MYNN: variants seen among roughly 807,000 people sequenced by gnomAD.
MYNN encodes the protein myoneurin.
In MYNN, 22 loss-of-function variants were observed where a neutral mutation model predicts 57.2. That is an observed-to-expected ratio of 0.38 (90% CI 0.27 to 0.55). The LOEUF (loss-of-function observed/expected upper bound fraction) is 0.55, where lower values mean the gene tolerates loss of function less well. Among genes scored for constraint, MYNN ranks in the 20% least tolerant of loss-of-function variants. The pLI, the probability that MYNN is intolerant of heterozygous loss-of-function variation, is 0.71. For missense variants in MYNN, 566 were observed against 723.1 expected (o/e 0.78, Z 2.49); for synonymous variants, 241 against 257.1 (o/e 0.94, Z 0.60).
chr3:169,787,177 G>A lies in MYNN; in HGVS notation c.*499G>A, dbSNP rs1160997265. The stretch of plus-strand genomic sequence containing the variant: ...TATTTTCGCTCGTAAAAATTTAGGC[G>A]CTGAATAAGAATTGTGCTATTTCTC... On this transcript the variant is annotated 3_prime_UTR_variant, in exon 8 of 8. Transcript: ENST00000349841. The A allele has an allele frequency of 6.6e-6, 1 of 152,652 alleles. No individual in the cohort carries two copies. The highest frequency in any genetic ancestry group is 1.9e-4 in the East Asian group (1 of 5,206). 9.5% of individuals were successfully genotyped at this position (152,652 alleles called of 1,614,324 possible).
chr3:169,784,726 G>C lies in MYNN; in HGVS notation c.1570+18G>C. The C allele has an allele frequency of 6.8e-7, 1 of 1,471,820 alleles. No homozygotes were observed. The allele number at this position is 1,471,820 out of a possible 1,614,324, so 91.2% of individuals were successfully genotyped here. The stretch of plus-strand genomic sequence containing the variant: ...CCATTCTGGTAAATGCTTGTGTTTT[G>C]TTTGCTTGTTTGTTTGTTTTAATTT... On this transcript the variant is annotated intron_variant, in intron 7 of 7. Coordinates refer to ENST00000349841, the MANE Select transcript of MYNN (RefSeq NM_018657.5).
chr3:169,780,375 A>G, intron 3 of MYNN: 1 of 405,002 alleles, frequency 2.5e-6, no homozygotes, highest in Non-Finnish European at 4.3e-6. Flanking sequence ...CGTACTTTTT[A>G]AAATGCTGTA....
chr3:169,781,741 G>A (rs773102565), intron 4 of MYNN, among the ~76,000 whole-genome samples: 17 of 152,132 alleles, frequency 1.1e-4, no homozygotes, highest in Non-Finnish European at 2.1e-4. Context: ...GAGAACTGAC[G>A]TGGATTTAGT....
intron 5 of MYNN, 72 bp from the exon 6 acceptor site, chr3:169,783,405 T>C (rs1778574961): frequency 3.6e-6 from 3 of 843,926 alleles, no homozygotes; most frequent in Non-Finnish European, 5.7e-6. Context: ...AAGCTTACTT[T>C]AGATTATTTG....
Position 169,782,438 on chromosome 3 carries a change from T to C in MYNN, c.1221-27T>C. 6.3e-7 allele frequency: 1 copy of C among 1,581,720 alleles called. No homozygotes were observed. The highest frequency in any genetic ancestry group is 1.2e-5 in the South Asian group (1 of 86,910). ...ATATAGACTGACCTCCAAATTGTTT[T>C]ACTTATTTAACTTTATTTACTAACA... On this transcript the variant is annotated intron_variant, in intron 4 of 7. Coordinates refer to ENST00000349841, the MANE Select transcript of MYNN (RefSeq NM_018657.5). The surrounding 1 kb of genome is among the most constrained non-coding windows in gnomAD (Gnocchi z 4.8).
intron 2 of MYNN, 67 bp downstream of exon 2, chr3:169,774,628 G>C: frequency 7.0e-7 from 1 of 1,429,552 alleles, no homozygotes; most frequent in Non-Finnish European, 9.5e-7. Context: ...AAGTAGATTT[G>C]TATTTTTTCC....
rs1310626909 is a variant in MYNN, at chr3:169,788,776, T to G, written c.*2098T>G. Reference sequence around the variant, plus strand: ...TTTATTTAAATTGACATGGCTTGAGTTGTCATCATTTTCTGCTCTTCTAGA... The same window carrying G: ...TTTATTTAAATTGACATGGCTTGAGGTGTCATCATTTTCTGCTCTTCTAGA... On this transcript the variant is annotated 3_prime_UTR_variant, in exon 8 of 8. Transcript: ENST00000349841. 6.6e-6 allele frequency: 1 copy of G among 152,182 alleles called. No individual in the cohort carries two copies. Among genetic ancestry groups the G allele is most frequent in the Non-Finnish European group, 1.5e-5 (1 of 68,012 alleles). The allele number at this position is 152,182 out of a possible 1,614,324, so 9.4% of individuals were successfully genotyped here. A position where few individuals can be genotyped will look rare whatever the true frequency, so the allele number is the denominator to read the frequency against.
Position 169,782,745 on chromosome 3 carries a change from T to A in MYNN, c.1399+102T>A. On this transcript the variant is annotated intron_variant, in intron 5 of 7. Coordinates refer to ENST00000349841, the MANE Select transcript of MYNN (RefSeq NM_018657.5). This position sits in a 1 kb window ranked among gnomAD's most constrained non-coding sequence, Gnocchi z 4.8. The stretch of plus-strand genomic sequence containing the variant: ...GTAGATCGGAAACTTTGTAGTTAGA[T>A]ATCTGTTTATATTTCTATAAGCTAT... 1 of 813,592 alleles carries A rather than the reference T, an allele frequency of 1.2e-6. No homozygotes were observed. Among genetic ancestry groups the A allele is most frequent in the Non-Finnish European group, 1.9e-6 (1 of 520,130 alleles). 50.4% of individuals were successfully genotyped at this position (813,592 alleles called of 1,614,324 possible).
At chr3:169,783,444 A>T in intron 5 of MYNN, 33 bp from the exon 6 acceptor site, 1 of 1,231,280 alleles carries the variant, frequency 8.1e-7, no homozygotes, top group Non-Finnish European at 1.2e-6. Context: ...TTGGTATAGT[A>T]CACCACTTCG....
Position 169,782,562 on chromosome 3 carries a change from G to GA in MYNN, c.1322dup (p.Pro442AlafsTer5). The stretch of plus-strand genomic sequence containing the variant: ...CTATCATGTCCGTAGGCATACTGGA[G>GA]AAAAGCCTTATGTATGTGATACCTG... On this transcript the variant is annotated frameshift_variant, in exon 5 of 8. Coordinates refer to ENST00000349841, the MANE Select transcript of MYNN (RefSeq NM_018657.5). LOFTEE classifies it high-confidence loss of function. This position sits in a 1 kb window ranked among gnomAD's most constrained non-coding sequence, Gnocchi z 4.8. 1 of 1,614,016 alleles carries GA rather than the reference G, an allele frequency of 6.2e-7. No individual in the cohort carries two copies. Among genetic ancestry groups the GA allele is most frequent in the Non-Finnish European group, 8.5e-7 (1 of 1,179,922 alleles).
At position 169,779,003 on chromosome 3, in the gene MYNN, A is replaced by G. The variant is rs2108202105; in HGVS notation, c.502A>G (p.Lys168Glu). The G allele has an allele frequency of 6.2e-7, 1 of 1,613,900 alleles. No homozygotes were observed. Among genetic ancestry groups the G allele is most frequent in the South Asian group, 1.1e-5 (1 of 91,090 alleles). The change falls in exon 3 of 8, where the codon AAA becomes GAA. Residue 168 changes from lysine to glutamate, a missense_variant. Coordinates refer to ENST00000349841, the MANE Select transcript of MYNN (RefSeq NM_018657.5). ...TACAGATTTGATTCAGGCAAATCCT[A>G]AACAAGGCGCGTTAGCGAAAAAGTC... ...VSTDLIQANP[K>E]QGALAKKSSQ...
chr3:169,780,725 C>T lies in MYNN; in HGVS notation c.1196C>T (p.Ser399Phe). ...CDVCNLQFAT[S>F]SNLKIHARKH... ...GTATGCAACTTACAGTTTGCAACTTCTAGCAATCTCAAGATTCATGCAAGG... is the reference window on the plus strand; with the variant it reads ...GTATGCAACTTACAGTTTGCAACTTTTAGCAATCTCAAGATTCATGCAAGG... Residue 399 changes from serine to phenylalanine, a missense_variant, in exon 4 of 8, where the codon TCT (serine) becomes TTT (phenylalanine). By Grantham distance (155) the Ser-to-Phe change is radical. This residue lies in a region of MYNN where 123 missense variants were observed against 222.6 expected (regional missense o/e 0.55). Coordinates refer to ENST00000349841, the MANE Select transcript of MYNN (RefSeq NM_018657.5). 25 of 1,598,326 alleles carry T rather than the reference C, an allele frequency of 1.6e-5. No individual in the cohort carries two copies. The highest frequency in any genetic ancestry group is 2.1e-5 in the Non-Finnish European group (25 of 1,175,926).
chr3:169,776,545 C>T (rs1577393672), intron 2 of MYNN, among the ~76,000 whole-genome samples: 1 of 152,224 alleles, frequency 6.6e-6, no homozygotes, highest in African/African-American at 2.4e-5. Flanking sequence ...AATTAAATGA[C>T]CTTCAGTGAC....
rs1450759881 is a variant in MYNN at position 169,786,458 on chromosome 3, T to C, written c.1613T>C (p.Leu538Ser). The change falls in exon 8 of 8, where the codon TTG becomes TCG. Residue 538 changes from leucine to serine, a missense_variant. By Grantham distance (145) the Leu-to-Ser change is moderately radical. Coordinates refer to ENST00000349841, the MANE Select transcript of MYNN (RefSeq NM_018657.5). Reference protein sequence around the residue: ...TLDSSAEDHTLSEQDSIQKSP... With the variant: ...TLDSSAEDHTSSEQDSIQKSP... ...GACTCCAGTGCAGAGGATCATACTT[T>C]GAGTGAACAGGATTCCATACAAAAA... 2 of 1,613,476 alleles carry C rather than the reference T, an allele frequency of 1.2e-6. No homozygotes were observed. Among genetic ancestry groups the C allele is most frequent in the Non-Finnish European group, 1.7e-6 (2 of 1,179,584 alleles).
intron 5 of MYNN, 66 bp from the exon 6 acceptor site, chr3:169,783,411 A>G (rs1778575111): frequency 2.2e-6 from 2 of 890,796 alleles, no homozygotes; most frequent in Non-Finnish European, 3.6e-6. Flanking sequence ...ACTTTAGATT[A>G]TTTGTAATTG....
Position 169,787,344 on chromosome 3 carries a change from CT to C in MYNN, c.*667del, listed in dbSNP as rs2108212102. ...GGTCAGCACTTTTGGTTTGAGTTAT[CT>C]GAGATTGTATTTTCAAAATGAATTT... On this transcript the variant is annotated 3_prime_UTR_variant, in exon 8 of 8. Coordinates refer to ENST00000349841, the MANE Select transcript of MYNN (RefSeq NM_018657.5). The C allele has an allele frequency of 6.6e-6, 1 of 152,114 alleles. No homozygotes were observed. The highest frequency in any genetic ancestry group is 6.5e-5 in the Admixed American group (1 of 15,284). 9.4% of individuals were successfully genotyped at this position (152,114 alleles called of 1,614,324 possible).
In MYNN at chr3:169,779,744, C is replaced by T. The variant is rs982323255; in HGVS notation, c.1060+183C>T. ...GTAATTGTAACCAAGTATTTAATGG[C>T]TGTTTAAGCCCTAATGCATCAACTC... On this transcript the variant is annotated intron_variant, in intron 3 of 7. Coordinates refer to ENST00000349841, the MANE Select transcript of MYNN (RefSeq NM_018657.5). The T allele has an allele frequency of 4.7e-6, 3 of 633,262 alleles. No homozygotes were observed. In the African/African-American group the frequency reaches 5.5e-5, roughly 12 times the overall value. 39.2% of individuals were successfully genotyped at this position (633,262 alleles called of 1,614,324 possible).
rs111767038 is a variant in MYNN, at chr3:169,782,726, C to T, written c.1399+83C>T. 26 of 1,135,612 alleles carry T rather than the reference C, an allele frequency of 2.3e-5. 1 individual carries two copies. Among genetic ancestry groups the T allele is most frequent in the South Asian group, 2.2e-4 (15 of 67,202 alleles). 70.3% of individuals were successfully genotyped at this position (1,135,612 alleles called of 1,614,324 possible). A position where few individuals can be genotyped will look rare whatever the true frequency, so the allele number is the denominator to read the frequency against. ...ACTTGGGCCTTTTAGCGAAGTAGAT[C>T]GGAAACTTTGTAGTTAGATATCTGT... On this transcript the variant is annotated intron_variant, in intron 5 of 7. Coordinates refer to ENST00000349841, the MANE Select transcript of MYNN (RefSeq NM_018657.5). This position sits in a 1 kb window ranked among gnomAD's most constrained non-coding sequence, Gnocchi z 4.8.
rs1433162974 is a variant in MYNN, at chr3:169,789,430, A to T, written c.*2752A>T. The T allele has an allele frequency of 6.6e-6, 1 of 152,182 alleles. No homozygotes were observed. The highest frequency in any genetic ancestry group is 2.4e-5 in the African/African-American group (1 of 41,450). The allele number at this position is 152,182 out of a possible 1,614,324, so 9.4% of individuals were successfully genotyped here. On this transcript the variant is annotated 3_prime_UTR_variant, in exon 8 of 8. Coordinates refer to ENST00000349841, the MANE Select transcript of MYNN (RefSeq NM_018657.5). ...AAATAACAATATCCAGGCCCACCCCACCTATTGAATCAGACAGTTCCCAGG... is the reference window on the plus strand; with the variant it reads ...AAATAACAATATCCAGGCCCACCCCTCCTATTGAATCAGACAGTTCCCAGG...
Sources: allele counts gnomAD v4.1 joint callset (sites outside exome capture counted in the v4.1 genomes callset), GRCh38; gene constraint gnomAD v4.1.1; regional missense constraint gnomAD v4.1.1; non-coding constraint Gnocchi (gnomAD v3.1); transcripts MANE v1.5; gene names NCBI Gene and HGNC (gene_info 2026-07-23, HGNC 2026-07-21).